TPRG1: variants seen among roughly 807,000 people sequenced by gnomAD.
The protein encoded by TPRG1 is tumor protein p63-regulated gene 1 protein.
Under a neutral mutation model 29.3 loss-of-function variants are expected in TPRG1, and 29 were observed. The ratio of observed to expected loss-of-function variants is 0.99; its 90% CI spans 0.74 to 1.35. TPRG1 has a LOEUF of 1.35. Ranked by LOEUF, TPRG1 falls within the 40% of genes most tolerant of loss-of-function variation. The probability of loss-of-function intolerance (pLI) is 0.00; values close to 1 mark genes in which losing one functional copy is unlikely to be tolerated. For missense variants in TPRG1, 327 were observed against 335.0 expected (o/e 0.98, Z 0.19); for synonymous variants, 130 against 116.8 (o/e 1.11, Z -0.73).
At chr3:189,008,538 A>G (rs564976695) in intron 3 of TPRG1, among the ~76,000 whole-genome samples, 1 of 152,186 alleles carries the variant, frequency 6.6e-6, no homozygotes, top group African/African-American at 2.4e-5. Context: ...GAATTAGTAC[A>G]ATTTTACTTT....
At chr3:188,998,760 T>TA (rs1711902905) in intron 1 of TPRG1, among the ~76,000 whole-genome samples, 1 of 152,156 alleles carries the variant, frequency 6.6e-6, no homozygotes, top group South Asian at 2.1e-4. Context: ...ATATGTGAGC[T>TA]AAAAAAGTTG....
At chr3:189,231,214 A>G (rs1332200391) in intron 3 of TPRG1, among the ~76,000 whole-genome samples, 2 of 151,430 alleles carry the variant, frequency 1.3e-5, no homozygotes, top group African/African-American at 4.9e-5. Context: ...AGAAAAACTG[A>G]CAGAAACCTT....
At chr3:189,215,031 T>C (rs965107599) in intron 2 of TPRG1, among the ~76,000 whole-genome samples, 9 of 150,236 alleles carry the variant, frequency 6.0e-5, no homozygotes, top group African/African-American at 2.2e-4. Context: ...CCTCTGAAAG[T>C]GGCTGTCTTC....
chr3:189,276,505 A>C (rs186518686), intron 4 of TPRG1, among the ~76,000 whole-genome samples: 2 of 152,244 alleles, frequency 1.3e-5, no homozygotes, highest in South Asian at 2.1e-4. Flanking sequence ...TGTGAGCAAA[A>C]ATTCTTGGGC....
chr3:189,319,761 A>G (rs1472529650), intron 5 of TPRG1, among the ~76,000 whole-genome samples: 1 of 152,022 alleles, frequency 6.6e-6, no homozygotes, highest in East Asian at 1.9e-4. Context: ...AATCACATCA[A>G]TCCAAAGCCC....
At chr3:189,293,267 G>A (rs753440475) in intron 4 of TPRG1, among the ~76,000 whole-genome samples, 1 of 152,170 alleles carries the variant, frequency 6.6e-6, no homozygotes, top group Non-Finnish European at 1.5e-5. Context: ...GAGTCCTGCT[G>A]TGTTTGGACT....
intron 3 of TPRG1, among the ~76,000 whole-genome samples, chr3:189,228,143 A>G (rs2108892111): frequency 6.6e-6 from 1 of 152,308 alleles, no homozygotes; most frequent in Non-Finnish European, 1.5e-5. Context: ...AATAGCAACA[A>G]CGACGACAAC....
At chr3:189,152,032 A>G (rs1726001532) in intron 5 of TPRG1, among the ~76,000 whole-genome samples, 4 of 152,112 alleles carry the variant, frequency 2.6e-5, no homozygotes. Context: ...GAATAGGAGT[A>G]TGGTCTGGAT....
At chr3:189,051,852 C>T (rs1238204167) in intron 4 of TPRG1, among the ~76,000 whole-genome samples, 1 of 152,120 alleles carries the variant, frequency 6.6e-6, no homozygotes, top group African/African-American at 2.4e-5. Context: ...GGAAAGGACA[C>T]CCTTTTCAAC....
At chr3:189,246,813 G>A (rs960900630) in intron 4 of TPRG1, among the ~76,000 whole-genome samples, 3 of 152,090 alleles carry the variant, frequency 2.0e-5, no homozygotes, top group African/African-American at 7.2e-5. Flanking sequence ...TCAAGACGTT[G>A]TTCCACCATT....
rs1724262335 is a variant in TPRG1, at chr3:189,321,001, A to T, written c.*181A>T. 2.1e-6 allele frequency: 1 copy of T among 477,356 alleles called. No individual in the cohort carries two copies. Among genetic ancestry groups the T allele is most frequent in the Non-Finnish European group, 3.6e-6 (1 of 281,284 alleles). 29.6% of individuals were successfully genotyped at this position (477,356 alleles called of 1,614,324 possible). On this transcript the variant is annotated 3_prime_UTR_variant, in exon 6 of 6. Transcript: ENST00000345063. ...TTGGACTGATAGATACACACTTTAG[A>T]CCTCATACAAGAATAATCAAATTTT... is the stretch of plus-strand genomic sequence containing the variant.
At chr3:189,060,393 T>G (rs186209872) in intron 4 of TPRG1, among the ~76,000 whole-genome samples, 2 of 152,280 alleles carry the variant, frequency 1.3e-5, no homozygotes, top group Admixed American at 1.3e-4. Context: ...AAGACAAGTA[T>G]GCCCTCTCTC....
At chr3:189,198,218 A>T (rs770661416) in intron 1 of TPRG1, among the ~76,000 whole-genome samples, 4 of 152,116 alleles carry the variant, frequency 2.6e-5, no homozygotes, top group Non-Finnish European at 5.9e-5. Context: ...TGCCTGGAAC[A>T]TCCTCCACCT....
At chr3:189,228,279 A>G (rs1441886187) in intron 3 of TPRG1, among the ~76,000 whole-genome samples, 1 of 152,216 alleles carries the variant, frequency 6.6e-6, no homozygotes, top group Non-Finnish European at 1.5e-5. Context: ...TTATTCTATG[A>G]AGCCAGTATA....
chr3:189,153,477 A>G (rs982318582), intron 5 of TPRG1, among the ~76,000 whole-genome samples: 1 of 152,110 alleles, frequency 6.6e-6, no homozygotes, highest in African/African-American at 2.4e-5. Flanking sequence ...AATTGTTCCA[A>G]TCTGAGGCAA....
chr3:189,292,607 C>T (rs1576983567), intron 4 of TPRG1, among the ~76,000 whole-genome samples: 1 of 152,132 alleles, frequency 6.6e-6, no homozygotes, highest in East Asian at 1.9e-4. Context: ...CCACTCTTAC[C>T]TCTTCTTCCC....
At chr3:189,149,759 G>A (rs16864021) in intron 4 of TPRG1, among the ~76,000 whole-genome samples, 9,668 of 151,952 alleles carry the variant, frequency 0.064, 412 homozygotes, top group Admixed American at 0.15. Context: ...TCTCTGTTTC[G>A]AGCCTGTGTC....
intron 4 of TPRG1, among the ~76,000 whole-genome samples, chr3:189,281,405 G>A (rs949956937): frequency 1.3e-5 from 2 of 152,196 alleles, no homozygotes; most frequent in African/African-American, 4.8e-5. Flanking sequence ...TACACCTTTA[G>A]CCATGTTACT....
intron 4 of TPRG1, among the ~76,000 whole-genome samples, chr3:189,244,099 T>A (rs1423360207): frequency 1.3e-5 from 2 of 152,068 alleles, no homozygotes; most frequent in Admixed American, 6.6e-5. Flanking sequence ...GTTCTCTCAT[T>A]GCTATAAAGA....
Sources: gnomAD v4.1 joint callset for allele counts (sites outside exome capture counted in the v4.1 genomes callset) on GRCh38, gnomAD v4.1.1 for gene constraint, MANE v1.5 for transcripts, NCBI Gene and HGNC (gene_info 2026-07-23, HGNC 2026-07-21) for gene names.